The following ATAD2B variants were observed in gnomAD, a reference collection of about 807,000 sequenced individuals.
ATAD2B encodes the protein ATPase family AAA domain containing 2B.
ATAD2B carries 40 observed loss-of-function variants against 167.6 expected under a neutral mutation model. The ratio of observed to expected loss-of-function variants is 0.24; its 90% confidence interval spans 0.19 to 0.31. ATAD2B has a LOEUF of 0.31. ATAD2B is among the 10% of genes least tolerant of loss of function. The pLI, the probability that ATAD2B is intolerant of heterozygous loss-of-function variation, is 1.00. For missense variants in ATAD2B, 1,242 were observed against 1,757.2 expected, an observed-to-expected ratio of 0.71 and a Z score of 5.24; for synonymous variants, 579 against 596.5, an observed-to-expected ratio of 0.97 and a Z score of 0.43.
At chr2:23,681,147 G>A in the ATAD2B span, among the ~76,000 whole-genome samples, 2 of 152,216 alleles carry the variant, frequency 1.3e-5, no homozygotes, top group East Asian at 1.9e-4. The surrounding 1 kb of genome is among the most constrained non-coding windows in gnomAD (Gnocchi z 4.2). Context: ...CTGCTTCGCC[G>A]GCCGGGCAGG....
At chr2:23,803,117 T>C (rs1311498312) in intron 18 of ATAD2B, among the ~76,000 whole-genome samples, 6 of 152,142 alleles carry the variant, frequency 3.9e-5, no homozygotes, top group Non-Finnish European at 7.4e-5. Context: ...AAAAAGAGAA[T>C]CATAGTTTTG....
intron 17 of ATAD2B, among the ~76,000 whole-genome samples, chr2:23,813,602 C>T (rs988124650): frequency 1.3e-5 from 2 of 150,944 alleles, no homozygotes; most frequent in Non-Finnish European, 3.0e-5. Flanking sequence ...AAAATTTAGC[C>T]AGGTGTGGTG....
the ATAD2B span, among the ~76,000 whole-genome samples, chr2:23,694,718 T>C: frequency 6.6e-6 from 1 of 152,170 alleles, no homozygotes; most frequent in Non-Finnish European, 1.5e-5. Context: ...CTCTGACGCC[T>C]CTACACGGGC....
rs930812788 is a variant in ATAD2B, at chr2:23,749,535, T to G, written c.*2511A>C. On this transcript the variant is annotated 3_prime_UTR_variant, in exon 28 of 28. Coordinates refer to ENST00000238789, the MANE Select transcript of ATAD2B (RefSeq NM_017552.4). ...ATAGAACCACCAGATATCTGTAAAATAAGCAAAACTGGTAAGTGTGTTTTT... is the reference window on the plus strand; with the variant it reads ...ATAGAACCACCAGATATCTGTAAAAGAAGCAAAACTGGTAAGTGTGTTTTT... 4 of 152,110 alleles carry G rather than the reference T, an allele frequency of 2.6e-5. No homozygotes were observed. Among genetic ancestry groups the G allele is most frequent in the African/African-American group, 9.7e-5 (4 of 41,428 alleles). 9.4% of individuals were successfully genotyped at this position (152,110 alleles called of 1,614,324 possible).
intron 19 of ATAD2B, among the ~76,000 whole-genome samples, chr2:23,794,820 A>G (rs1682349938): frequency 6.6e-6 from 1 of 152,116 alleles, no homozygotes; most frequent in Admixed American, 6.5e-5. Context: ...TAAACCATAT[A>G]TGCATGAAAT....
Position 23,833,926 on chromosome 2 carries a change from T to C in ATAD2B, c.1721A>G (p.Asp574Gly). 2 of 1,601,516 alleles carry C rather than the reference T, an allele frequency of 1.2e-6. No homozygotes were observed. The highest frequency in any genetic ancestry group is 1.7e-6 in the Non-Finnish European group (2 of 1,176,732). The change falls in exon 14 of 28, where the codon GAT (aspartate) becomes GGT (glycine). Residue 574 changes from aspartate to glycine, a missense_variant. Coordinates refer to ENST00000238789, the MANE Select transcript of ATAD2B (RefSeq NM_017552.4). Reference protein sequence around the residue: ...FDREFLFNLPDQKARKHILQI... With the variant: ...FDREFLFNLPGQKARKHILQI... The stretch of plus-strand genomic sequence containing the variant: ...GAAAACAAAAACTCTTACCTTTTGA[T>C]CAGGCAGGTTGAAGAGGAATTCTCT...
intron 21 of ATAD2B, 69 bp downstream of exon 21, chr2:23,785,953 TCCAAA>T: frequency 2.2e-6 from 3 of 1,351,296 alleles, no homozygotes; most frequent in South Asian, 1.6e-5. Flanking sequence ...TTTTTTTCCT[TCCAAA>T]AAAAGATGTC....
Position 23,868,122 on chromosome 2 carries a change from C to G in ATAD2B, c.1077-176G>C, listed in dbSNP as rs543674514. On this transcript the variant is annotated intron_variant, in intron 9 of 27. Transcript: ENST00000238789. Reference sequence around the variant, plus strand: ...CTTTTCTTACATTCTTGTCAATGGCCAAAAATTAAGTTACTCACTAGATAA... The same window carrying G: ...CTTTTCTTACATTCTTGTCAATGGCGAAAAATTAAGTTACTCACTAGATAA... Among the ~76,000 whole-genome samples, 210 of 152,014 alleles carry G rather than the reference C, an allele frequency of 1.4e-3. 9 individuals carry two copies. In the South Asian group the frequency reaches 0.042, roughly 30 times the overall value.
chr2:23,837,271 G>A (rs12474547), intron 13 of ATAD2B, among the ~76,000 whole-genome samples: 68,517 of 152,084 alleles, frequency 0.45, 16,345 homozygotes, highest in East Asian at 0.78. Context: ...CGGAGCAGGC[G>A]CAGGAGTGGG....
chr2:23,784,679 T>C (rs992563273), intron 21 of ATAD2B, among the ~76,000 whole-genome samples: 5 of 151,748 alleles, frequency 3.3e-5, no homozygotes, highest in African/African-American at 9.7e-5. Flanking sequence ...ATATACCAAA[T>C]AGGGGAGTGG....
intron 1 of ATAD2B, among the ~76,000 whole-genome samples, chr2:23,911,160 G>A (rs1702241678): frequency 6.6e-6 from 1 of 151,700 alleles, no homozygotes; most frequent in African/African-American, 2.4e-5. Context: ...GGCAGAGGTT[G>A]CAGTGAGCCG....
At chr2:23,770,993 GTCT>G (rs1678239799) in intron 22 of ATAD2B, among the ~76,000 whole-genome samples, 1 of 152,030 alleles carries the variant, frequency 6.6e-6, no homozygotes, top group African/African-American at 2.4e-5. Flanking sequence ...ATTTATTTGG[GTCT>G]TCTTTATCTC....
Position 23,748,987 on chromosome 2 carries a change from A to G in ATAD2B, c.*3059T>C, listed in dbSNP as rs1053205674. On this transcript the variant is annotated 3_prime_UTR_variant, in exon 28 of 28. Coordinates refer to ENST00000238789, the MANE Select transcript of ATAD2B (RefSeq NM_017552.4). ...ATTCAAGCTTACAATGTGATTACAA[A>G]TAATAATTATAATAACAATGGCATT... 4 of 152,114 alleles carry G rather than the reference A, an allele frequency of 2.6e-5. No individual in the cohort carries two copies. Among genetic ancestry groups the G allele is most frequent in the African/African-American group, 9.7e-5 (4 of 41,440 alleles). 9.4% of individuals were successfully genotyped at this position (152,114 alleles called of 1,614,324 possible).
At chr2:23,773,759 G>A (rs1216896899) in intron 22 of ATAD2B, among the ~76,000 whole-genome samples, 2 of 152,238 alleles carry the variant, frequency 1.3e-5, no homozygotes, top group East Asian at 3.9e-4. Context: ...TATTGGCTTT[G>A]AAGTCAAGAC....
At chr2:23,691,698 C>T in the ATAD2B span, 208 of 1,551,604 alleles carry the variant, frequency 1.3e-4, no homozygotes, top group Non-Finnish European at 1.7e-4. Context: ...GCGGCCAGGG[C>T]GGCCGGGAGA....
intron 1 of ATAD2B, among the ~76,000 whole-genome samples, chr2:23,916,562 C>G (rs562269755): frequency 8.5e-5 from 13 of 152,250 alleles, no homozygotes; most frequent in African/African-American, 2.9e-4. Flanking sequence ...AGTCACTAAC[C>G]AGATAATATG....
chr2:23,806,055 T>C (rs1684343706), intron 18 of ATAD2B: 1 of 152,218 alleles, frequency 6.6e-6, no homozygotes, highest in Admixed American at 6.5e-5. Flanking sequence ...AGAATGCTTT[T>C]TGCCATGTGC....
At chr2:23,870,588 C>G (rs1288420470) in intron 8 of ATAD2B, among the ~76,000 whole-genome samples, 1 of 150,946 alleles carries the variant, frequency 6.6e-6, no homozygotes, top group Non-Finnish European at 1.5e-5. Flanking sequence ...ACAGGGCCAG[C>G]AACCAATTTA....
intron 8 of ATAD2B, among the ~76,000 whole-genome samples, 163 bp from the exon 9 acceptor site, chr2:23,869,924 C>T (rs543291257): frequency 6.6e-5 from 10 of 151,954 alleles, no homozygotes; most frequent in African/African-American, 2.4e-4. Flanking sequence ...GTAGCAAGTT[C>T]TGCAGAGAAA....
Sources: allele counts gnomAD v4.1 joint callset (sites outside exome capture counted in the v4.1 genomes callset), GRCh38; gene constraint gnomAD v4.1.1; non-coding constraint Gnocchi (gnomAD v3.1); transcripts MANE v1.5; gene names NCBI Gene and HGNC (gene_info 2026-07-23, HGNC 2026-07-21).